SHOC1: variants seen among roughly 807,000 people sequenced by gnomAD.
SHOC1 encodes protein shortage in chiasmata 1 ortholog.
SHOC1 carries 136 observed loss-of-function variants against 179.2 expected under a neutral mutation model. The ratio of observed to expected loss-of-function variants is 0.76; its 90% CI spans 0.66 to 0.87. The LOEUF (loss-of-function observed/expected upper bound fraction) is 0.87. Among genes scored for constraint, SHOC1 ranks in the 40% least tolerant of loss-of-function variants. The pLI is 0.00. For synonymous variants in SHOC1, 489 were observed against 586.6 expected, an observed-to-expected ratio of 0.83 and a Z score of 2.41; for missense variants, 1,538 against 1,700.8, an observed-to-expected ratio of 0.90 and a Z score of 1.68.
intron 22 of SHOC1, among the ~76,000 whole-genome samples, chr9:111,703,122 A>G (rs1832061908): frequency 6.6e-6 from 1 of 152,154 alleles, no homozygotes; most frequent in Non-Finnish European, 1.5e-5. Context: ...AAAACAAACA[A>G]ACAAACAAAC....
chr9:111,713,314 A>T (rs1832636006), intron 17 of SHOC1, 142 bp from the exon 18 acceptor site: 3 of 542,216 alleles, frequency 5.5e-6, no homozygotes, highest in Non-Finnish European at 9.8e-6. Context: ...CTGTTGTAAA[A>T]AATGTCAATA....
intron 12 of SHOC1, among the ~76,000 whole-genome samples, chr9:111,736,925 A>G (rs1215037811): frequency 6.6e-6 from 1 of 152,228 alleles, no homozygotes; most frequent in Admixed American, 6.5e-5. Flanking sequence ...ACTTCTCAAA[A>G]GAAGACTTAC....
At chr9:111,705,776 A>C (rs1331362789) in intron 20 of SHOC1, among the ~76,000 whole-genome samples, 1 of 152,132 alleles carries the variant, frequency 6.6e-6, no homozygotes, top group Admixed American at 6.5e-5. Context: ...ATTTACATAA[A>C]GATTTTAAAT....
In SHOC1 at chr9:111,694,319, C is replaced by T. The variant is rs1297950004; in HGVS notation, c.3227G>A (p.Arg1076Gln). 16 of 1,610,824 alleles carry T rather than the reference C, an allele frequency of 9.9e-6. No homozygotes were observed. Among genetic ancestry groups the T allele is most frequent in the African/African-American group, 6.7e-5 (5 of 74,804 alleles). The change falls in exon 25 of 28, where the codon CGA becomes CAA. Residue 1076 changes from arginine (R) to glutamine (Q), a missense_variant. By Grantham distance (43) the Arg-to-Gln change is conservative. Transcript: ENST00000682961. Reference sequence around the variant, plus strand: ...CATTAAACTGTGGTCAGCAATTTGTCGAATTATCAAGGCAGTTGCTTCTAC... The same window carrying T: ...CATTAAACTGTGGTCAGCAATTTGTTGAATTATCAAGGCAGTTGCTTCTAC... ...PGVEATALII[R>Q]QIADHSLMTS...
chr9:111,791,811 TAACCATATTTCTCAAGTGGTCTTGAGAA>T (rs1836455849), intron 1 of SHOC1, among the ~76,000 whole-genome samples: 4 of 147,036 alleles, frequency 2.7e-5, no homozygotes, highest in Admixed American at 1.4e-4. Context: ...GTCTTGAGAA[TAACCATATTTCTCAAGTGGTCTTGAGAA>T]TAACCATATT....
chr9:111,688,121 C>T (rs752811568), intron 27 of SHOC1, among the ~76,000 whole-genome samples: 23 of 152,024 alleles, frequency 1.5e-4, no homozygotes, highest in Non-Finnish European at 2.6e-4. Context: ...AACCAGCTCT[C>T]GAAACAAGGA....
chr9:111,704,017 G>T, intron 21 of SHOC1, 25 bp from the exon 22 acceptor site: 1 of 1,198,918 alleles, frequency 8.3e-7, no homozygotes, highest in Non-Finnish European at 1.2e-6. Flanking sequence ...ATTCTTGAGT[G>T]AAAAAATGAA....
chr9:111,780,851 C>T, intron 4 of SHOC1, 79 bp downstream of exon 4: 1 of 934,618 alleles, frequency 1.1e-6, no homozygotes, highest in Non-Finnish European at 1.7e-6. Context: ...AAGAGATTTT[C>T]CCTCTTTAGG....
rs1564113048 is a variant in SHOC1, at chr9:111,706,598, T to G, written c.2707A>C (p.Lys903Gln). ...KELNIPYMAFKVILPDTVLER... is the reference protein window; with the variant it reads ...KELNIPYMAFQVILPDTVLER... The stretch of plus-strand genomic sequence containing the variant: ...AAAACTGTGTCTGGAAGAATCACTT[T>G]AAAGGCCATGTAAGGAATATTCAAC... Residue 903 changes from lysine (K) to glutamine (Q), a missense_variant, in exon 20 of 28, where the codon AAA (lysine) becomes CAA (glutamine). Lys to Gln is a moderately conservative substitution (Grantham distance 53). Transcript: ENST00000682961. 6.3e-7 allele frequency: 1 copy of G among 1,587,604 alleles called. No homozygotes were observed. The highest frequency in any genetic ancestry group is 2.3e-5 in the East Asian group (1 of 43,498).
At chr9:111,793,557 T>C (rs1315383468) in intron 1 of SHOC1, among the ~76,000 whole-genome samples, 1 of 152,070 alleles carries the variant, frequency 6.6e-6, no homozygotes, top group Non-Finnish European at 1.5e-5. Context: ...TAGTGGTGGG[T>C]GGAAGCAAAA....
rs368225645 is a variant in SHOC1, at chr9:111,706,724, G to T, written c.2581C>A (p.His861Asn). Reference protein sequence around the residue: ...LRGTSSCVVVHNQYIGADFPW... With the variant: ...LRGTSSCVVVNNQYIGADFPW... ...AAATCTGCTCCAATATATTGATTAT[G>T]TACAACTACACAGGAACTTGTACTA... Residue 861 changes from histidine to asparagine, a missense_variant, in exon 20 of 28, where the codon CAT (histidine) becomes AAT (asparagine). His to Asn is a moderately conservative substitution (Grantham distance 68). Coordinates refer to ENST00000682961, the MANE Select transcript of SHOC1 (RefSeq NM_001378211.1). The T allele has an allele frequency of 5.0e-6, 8 of 1,600,198 alleles. No homozygotes were observed. The highest frequency in any genetic ancestry group is 6.8e-6 in the Non-Finnish European group (8 of 1,173,698).
At chr9:111,786,286 T>G (rs999667629) in intron 2 of SHOC1, among the ~76,000 whole-genome samples, 2 of 151,986 alleles carry the variant, frequency 1.3e-5, no homozygotes, top group Non-Finnish European at 1.5e-5. Context: ...TACAAAAAAA[T>G]TATCCGGGCG....
intron 15 of SHOC1, among the ~76,000 whole-genome samples, chr9:111,720,390 TTC>T (rs1713001925): frequency 6.6e-6 from 1 of 152,350 alleles, no homozygotes; most frequent in African/African-American, 2.4e-5. Context: ...CCTCCTACAG[TTC>T]TCTTTTTATT....
Position 111,722,564 on chromosome 9 carries a change from C to A in SHOC1, c.1976G>T (p.Cys659Phe). ...AGGAGAAGCTGCTGCTTCGAGGAGGCAAAATGCTTGGCACTGGCTATCTGC... is the reference window on the plus strand; with the variant it reads ...AGGAGAAGCTGCTGCTTCGAGGAGGAAAAATGCTTGGCACTGGCTATCTGC... ...QASDSQCQAF[C>F]LLEAAASPIL... The change falls in exon 15 of 28, where the codon TGC becomes TTC. Residue 659 changes from cysteine (C) to phenylalanine (F), a missense_variant. By Grantham distance (205) the Cys-to-Phe change is radical. Coordinates refer to ENST00000682961, the MANE Select transcript of SHOC1 (RefSeq NM_001378211.1). 1 of 1,603,638 alleles carries A rather than the reference C, an allele frequency of 6.2e-7. No homozygotes were observed. The highest frequency in any genetic ancestry group is 8.5e-7 in the Non-Finnish European group (1 of 1,177,862).
chr9:111,763,636 T>C lies in SHOC1; in HGVS notation c.443-4788A>G, dbSNP rs528401343. On this transcript the variant is annotated intron_variant, in intron 5 of 27. Transcript: ENST00000682961. ...GGAAGATTAAAAAAAATTTACTACC[T>C]ACATTCCTATTCTCAGGAGGCTGTG... 1.6e-4 allele frequency among the ~76,000 whole-genome samples: 24 copies of C among 152,290 alleles called. No individual in the cohort carries two copies. In the South Asian group the frequency reaches 3.5e-3, roughly 22 times the overall value.
At chr9:111,689,266 G>A (rs919211802) in intron 27 of SHOC1, among the ~76,000 whole-genome samples, 1 of 150,622 alleles carries the variant, frequency 6.6e-6, no homozygotes, top group Non-Finnish European at 1.5e-5. Flanking sequence ...CGTACCTTTC[G>A]TCCCAGCTAC....
chr9:111,781,794 G>A (rs1322749217), intron 3 of SHOC1, among the ~76,000 whole-genome samples: 1 of 147,524 alleles, frequency 6.8e-6, no homozygotes, highest in African/African-American at 2.5e-5. Context: ...TAGACCTTTG[G>A]TTCCTTAAGG....
chr9:111,704,617 A>G (rs1388579448), intron 21 of SHOC1, among the ~76,000 whole-genome samples: 4 of 152,212 alleles, frequency 2.6e-5, no homozygotes, highest in African/African-American at 9.6e-5. Context: ...AAAAGCATGG[A>G]ACATACATCT....
In SHOC1 at chr9:111,686,771, C is replaced by A. The variant is rs200709450; in HGVS notation, c.4526G>T (p.Ter1509LeuextTer15). Residue 1509 changes from the stop codon to leucine (L), a stop_lost, in exon 28 of 28, where the codon TGA (stop) becomes TTA (leucine). Coordinates refer to ENST00000682961, the MANE Select transcript of SHOC1 (RefSeq NM_001378211.1). ...ATGTAACATTGCTCTTCTCCTCCTT[C>A]AAAAAAACCTCAGCCGAGTCTGCCC... ...VDGQTRLRFF* is the reference protein window; with the variant it reads ...VDGQTRLRFFL The A allele has an allele frequency of 2.0e-4, 321 of 1,604,348 alleles. No homozygotes were observed. The highest frequency in any genetic ancestry group is 2.7e-4 in the Non-Finnish European group (315 of 1,171,946).
Sources: allele counts gnomAD v4.1 joint callset (sites outside exome capture counted in the v4.1 genomes callset), GRCh38; gene constraint gnomAD v4.1.1; transcripts MANE v1.5; gene names NCBI Gene and HGNC (gene_info 2026-07-23, HGNC 2026-07-21).